WSCD2: variants seen among roughly 807,000 people sequenced by gnomAD.
The protein encoded by WSCD2 is WSC domain sialate O sulfotransferase 2, also known as sialate:O-sulfotransferase 2.
Under a neutral mutation model 55.7 loss-of-function variants are expected in WSCD2, and 28 were observed. The observed-to-expected ratio is 0.50, with a 90% CI of 0.37 to 0.69. WSCD2 has a LOEUF of 0.69. Ranked by LOEUF, WSCD2 falls within the 30% of genes least tolerant of loss-of-function variation. The pLI is 0.00. For synonymous variants in WSCD2, 301 were observed against 301.9 expected, an observed-to-expected ratio of 1.00 and a Z score of 0.03; for missense variants, 616 against 762.1, an observed-to-expected ratio of 0.81 and a Z score of 2.26.
intron 1 of WSCD2, among the ~76,000 whole-genome samples, chr12:108,161,397 G>A (rs1011939067): frequency 6.6e-6 from 1 of 152,148 alleles, no homozygotes; most frequent in African/African-American, 2.4e-5. Context: ...AATGTGACTG[G>A]TGTTCTTAGA....
intron 1 of WSCD2, among the ~76,000 whole-genome samples, chr12:108,190,986 C>A (rs1168018618): frequency 6.6e-6 from 1 of 152,160 alleles, no homozygotes; most frequent in East Asian, 1.9e-4. Flanking sequence ...GATGGCAGCT[C>A]AGAGAGATGA....
chr12:108,239,699 C>A (rs544635825), intron 7 of WSCD2, among the ~76,000 whole-genome samples: 1 of 152,238 alleles, frequency 6.6e-6, no homozygotes, highest in Non-Finnish European at 1.5e-5. Context: ...CTCACAGCAC[C>A]CAAGCCTTTT....
intron 1 of WSCD2, among the ~76,000 whole-genome samples, chr12:108,153,610 G>A (rs181947843): frequency 1.0e-3 from 157 of 152,318 alleles, no homozygotes; most frequent in Non-Finnish European, 1.7e-3. Context: ...AGCCTGAAAA[G>A]GCAAAGTGCA....
At chr12:108,159,287 G>T (rs888988555) in intron 1 of WSCD2, among the ~76,000 whole-genome samples, 1 of 152,176 alleles carries the variant, frequency 6.6e-6, no homozygotes, top group Non-Finnish European at 1.5e-5. Context: ...GGTGCTGATA[G>T]CCAATGTGCC....
At chr12:108,200,177 C>T (rs184543890) in intron 2 of WSCD2, among the ~76,000 whole-genome samples, 1 of 152,272 alleles carries the variant, frequency 6.6e-6, no homozygotes, top group African/African-American at 2.4e-5. Context: ...AGCAGGAGCA[C>T]CCACTTCCCA....
At chr12:108,214,759 T>C (rs1167546662) in intron 4 of WSCD2, among the ~76,000 whole-genome samples, 8 of 152,212 alleles carry the variant, frequency 5.3e-5, no homozygotes, top group African/African-American at 1.9e-4. Context: ...GTGTACTTTT[T>C]TCCTTTTGTT....
At chr12:108,178,166 G>A (rs1048311879) in intron 1 of WSCD2, among the ~76,000 whole-genome samples, 8 of 152,140 alleles carry the variant, frequency 5.3e-5, no homozygotes, top group African/African-American at 1.7e-4. Context: ...CCTCCGAGGT[G>A]TGTGTGGGAA....
At chr12:108,223,602 T>G (rs1225372776) in intron 4 of WSCD2, among the ~76,000 whole-genome samples, 1 of 152,158 alleles carries the variant, frequency 6.6e-6, no homozygotes, top group Non-Finnish European at 1.5e-5. Flanking sequence ...TATTGATAAA[T>G]CTTTGTGCAC....
chr12:108,151,366 G>A (rs1389476864), intron 1 of WSCD2, among the ~76,000 whole-genome samples: 3 of 152,100 alleles, frequency 2.0e-5, no homozygotes, highest in African/African-American at 7.2e-5. Context: ...TGATGCAGGT[G>A]GAGAGGGGGA....
intron 1 of WSCD2, chr12:108,149,695 G>A (rs1450191891): frequency 1.3e-5 from 2 of 152,216 alleles, no homozygotes; most frequent in African/African-American, 2.4e-5. Flanking sequence ...ACACAATTAG[G>A]CTGTGTGCTA....
chr12:108,166,331 A>G (rs151284654), intron 1 of WSCD2, among the ~76,000 whole-genome samples: 204 of 152,330 alleles, frequency 1.3e-3, no homozygotes, highest in African/African-American at 4.7e-3. Flanking sequence ...GGGTCATCTA[A>G]TGAATCTTAT....
intron 2 of WSCD2, among the ~76,000 whole-genome samples, chr12:108,200,348 C>A (rs929928418): frequency 7.9e-5 from 12 of 152,242 alleles, no homozygotes; most frequent in Non-Finnish European, 1.3e-4. Flanking sequence ...ATTTGCCCAA[C>A]ATCACACAGA....
At chr12:108,237,886 A>G (rs977432433) in intron 7 of WSCD2, among the ~76,000 whole-genome samples, 2 of 152,234 alleles carry the variant, frequency 1.3e-5, no homozygotes, top group East Asian at 3.9e-4. Flanking sequence ...GGGTCTCCCA[A>G]TGCATGGAGC....
At chr12:108,146,916 TA>T (rs1877452117) in intron 1 of WSCD2, among the ~76,000 whole-genome samples, 2 of 152,222 alleles carry the variant, frequency 1.3e-5, no homozygotes, top group Non-Finnish European at 2.9e-5. Flanking sequence ...ATTAACTCAT[TA>T]ACAATGAACT....
At position 108,240,687 on chromosome 12, in the gene WSCD2, C is replaced by A. The variant is rs1169697537; in HGVS notation, c.1345+143C>A. The A allele has an allele frequency of 5.1e-6, 5 of 976,754 alleles. No homozygotes were observed. In the East Asian group the frequency reaches 1.3e-4, roughly 26 times the overall value. 60.5% of individuals were successfully genotyped at this position (976,754 alleles called of 1,614,324 possible). Reference sequence around the variant, plus strand: ...ACCCTGGAGGACATCCTGGAGGGCGCGTGTCATGCTCCAGTCCTTGCTTCC... The same window carrying A: ...ACCCTGGAGGACATCCTGGAGGGCGAGTGTCATGCTCCAGTCCTTGCTTCC... On this transcript the variant is annotated intron_variant, in intron 8 of 8. Coordinates refer to ENST00000547525, the MANE Select transcript of WSCD2 (RefSeq NM_014653.4).
intron 1 of WSCD2, among the ~76,000 whole-genome samples, chr12:108,139,831 ACTCT>A (rs1565911617): frequency 6.6e-6 from 1 of 152,022 alleles, no homozygotes; most frequent in African/African-American, 2.4e-5. Flanking sequence ...AATAACAGAA[ACTCT>A]CTCACACTGG....
chr12:108,140,782 G>A lies in WSCD2; in HGVS notation c.-552+10856G>A, dbSNP rs776524061. On this transcript the variant is annotated intron_variant, in intron 1 of 8. Coordinates refer to ENST00000547525, the MANE Select transcript of WSCD2 (RefSeq NM_014653.4). ...GCTGCTGTGATCACTGTCCCTGTGA[G>A]TGTGAACTTCAGCAGAGCAAGGCTG... 4.4e-4 allele frequency among the ~76,000 whole-genome samples: 67 copies of A among 152,308 alleles called. 1 individual carries two copies. In the Middle Eastern group the frequency reaches 0.014, roughly 31 times the overall value.
chr12:108,239,836 C>T (rs1184130326), intron 7 of WSCD2, among the ~76,000 whole-genome samples: 1 of 152,194 alleles, frequency 6.6e-6, no homozygotes, highest in Non-Finnish European at 1.5e-5. Flanking sequence ...GCTTCAGCCC[C>T]CCAAGTGGCT....
intron 1 of WSCD2, among the ~76,000 whole-genome samples, chr12:108,165,403 G>T (rs959003591): frequency 2.0e-5 from 3 of 151,906 alleles, no homozygotes; most frequent in African/African-American, 7.3e-5. Flanking sequence ...TGTTGTTGGT[G>T]TTTTTTTTGG....
Sources: allele counts gnomAD v4.1 joint callset (sites outside exome capture counted in the v4.1 genomes callset), GRCh38; gene constraint gnomAD v4.1.1; transcripts MANE v1.5; gene names NCBI Gene and HGNC (gene_info 2026-07-23, HGNC 2026-07-21).